Variants in ASCC1 observed in about 807,000 individuals in gnomAD.
ASCC1 encodes ASC-1 complex subunit P50.
Under a neutral mutation model 46.6 loss-of-function variants are expected in ASCC1, and 35 were observed. That is an observed-to-expected ratio of 0.75 (90% CI 0.57 to 0.99). The LOEUF is 0.99. Among genes scored for constraint, ASCC1 ranks in the 50% least tolerant of loss-of-function variants. The pLI, the probability that ASCC1 is intolerant of heterozygous loss-of-function variation, is 0.00. For missense variants in ASCC1, 376 were observed against 428.7 expected (o/e 0.88, Z 1.09); for synonymous variants, 143 against 146.6 (o/e 0.98, Z 0.18).
rs1855483031 is a variant in ASCC1, at chr10:72,196,721, A to G, written c.489+90T>C. 3.0e-6 allele frequency: 4 copies of G among 1,329,518 alleles called. No individual in the cohort carries two copies. In the South Asian group the frequency reaches 4.0e-5, roughly 13 times the overall value. 82.4% of individuals were successfully genotyped at this position (1,329,518 alleles called of 1,614,324 possible). ...TCTTTTTTGGTGGGGGAAGAAGTTT[A>G]TAACTCCCTACTGTTTGATTTATGA... On this transcript the variant is annotated intron_variant, in intron 5 of 9. Transcript: ENST00000672957.
At chr10:72,162,585 T>C (rs1237609821) in intron 5 of ASCC1, among the ~76,000 whole-genome samples, 3 of 152,104 alleles carry the variant, frequency 2.0e-5, no homozygotes, top group Non-Finnish European at 4.4e-5. Context: ...TCCTCCTGCC[T>C]CAGCCTCCTG....
intron 5 of ASCC1, among the ~76,000 whole-genome samples, chr10:72,170,115 C>T (rs1185096873): frequency 1.3e-5 from 2 of 149,758 alleles, no homozygotes; most frequent in Non-Finnish European, 3.0e-5. Context: ...AGTGAAACTC[C>T]GTCTCAAAGA....
At chr10:72,162,547 G>A (rs1020896469) in intron 5 of ASCC1, among the ~76,000 whole-genome samples, 4 of 152,094 alleles carry the variant, frequency 2.6e-5, no homozygotes, top group African/African-American at 7.2e-5. Context: ...ACAGCTCACT[G>A]TAACCTCAAA....
chr10:72,111,743 GC>G (rs1170116587), intron 9 of ASCC1, among the ~76,000 whole-genome samples: 2 of 152,046 alleles, frequency 1.3e-5, no homozygotes, highest in Non-Finnish European at 2.9e-5. Flanking sequence ...CCGGGTTCAT[GC>G]CATTCTCCTG....
chr10:72,192,164 G>A (rs1046264176), intron 5 of ASCC1, among the ~76,000 whole-genome samples: 2 of 151,776 alleles, frequency 1.3e-5, no homozygotes, highest in Non-Finnish European at 2.9e-5. Flanking sequence ...CAATGATAAG[G>A]AAACAATCTG....
At chr10:72,188,157 C>T (rs908485767) in intron 5 of ASCC1, among the ~76,000 whole-genome samples, 1 of 136,580 alleles carries the variant, frequency 7.3e-6, no homozygotes, top group Non-Finnish European at 1.5e-5. Flanking sequence ...CAGTCTCGCT[C>T]TGTCAGGCTG....
At chr10:72,198,753 A>G (rs1164580718) in intron 4 of ASCC1, 1 of 452,310 alleles carries the variant, frequency 2.2e-6, no homozygotes, top group Non-Finnish European at 4.4e-6. Context: ...TCACAATTCA[A>G]TTTACTCTAA....
chr10:72,149,919 C>T (rs1589356799), intron 7 of ASCC1, among the ~76,000 whole-genome samples: 2 of 152,132 alleles, frequency 1.3e-5, no homozygotes, highest in African/African-American at 4.8e-5. Context: ...GGCACGGTGG[C>T]TTACACCTGT....
rs572827789 is a variant in ASCC1, at chr10:72,207,951, A to G, written c.212+2781T>C. ...CTCAACCTACCAAGTAGCTGAGACT[A>G]CAAGCACTCACTACCACGCCTGGCT... is the stretch of plus-strand genomic sequence containing the variant. On this transcript the variant is annotated intron_variant, in intron 3 of 9. Transcript: ENST00000672957. Among the ~76,000 whole-genome samples, 237 of 152,096 alleles carry G rather than the reference A, an allele frequency of 1.6e-3. 5 individuals are homozygous for G. The South Asian group carries it at 0.046, about 29-fold the overall frequency.
intron 3 of ASCC1, among the ~76,000 whole-genome samples, chr10:72,210,435 C>T (rs113902647): frequency 0.078 from 11,937 of 152,188 alleles, 1,244 homozygotes; most frequent in African/African-American, 0.23. Flanking sequence ...GCTGGGATTA[C>T]AGGCGTGAGC....
At chr10:72,143,156 G>A (rs1303933477) in intron 7 of ASCC1, among the ~76,000 whole-genome samples, 6 of 134,916 alleles carry the variant, frequency 4.4e-5, no homozygotes, top group East Asian at 2.1e-4. Context: ...GCGAGACTCC[G>A]TCTCAGGAAA....
At chr10:72,155,446 G>A (rs896798042) in intron 6 of ASCC1, among the ~76,000 whole-genome samples, 1 of 152,096 alleles carries the variant, frequency 6.6e-6, no homozygotes, top group Non-Finnish European at 1.5e-5. Context: ...ACCCTCATGG[G>A]GTGATGGCAA....
chr10:72,213,841 C>T (rs1858574376), intron 1 of ASCC1, among the ~76,000 whole-genome samples: 1 of 150,140 alleles, frequency 6.7e-6, no homozygotes. Context: ...AGTTCAAGAC[C>T]AGCCTGACCA....
intron 5 of ASCC1, chr10:72,190,469 A>G: frequency 6.3e-7 from 1 of 1,598,884 alleles, no homozygotes; most frequent in Non-Finnish European, 8.5e-7. Flanking sequence ...TGCAGGCCGA[A>G]AGAGCCGTGG....
Position 72,185,905 on chromosome 10 carries a change from T to C in ASCC1, c.489+10906A>G, listed in dbSNP as rs1589519044. On this transcript the variant is annotated intron_variant, in intron 5 of 9. Coordinates refer to ENST00000672957, the MANE Select transcript of ASCC1 (RefSeq NM_001198800.3). ...TGCATTCCCTTAACCCATGTTATTC[T>C]ACCTCTTAGAATTTATCCCAAAGAA... Among the ~76,000 whole-genome samples, 3 of 152,312 alleles carry C rather than the reference T, an allele frequency of 2.0e-5. No homozygotes were observed. In the East Asian group the frequency reaches 5.8e-4, roughly 29 times the overall value.
At chr10:72,206,605 A>G (rs1857255751) in intron 3 of ASCC1, among the ~76,000 whole-genome samples, 1 of 152,182 alleles carries the variant, frequency 6.6e-6, no homozygotes, top group African/African-American at 2.4e-5. Context: ...CCTGACAGTA[A>G]TAACTTAAGC....
At chr10:72,098,037 C>A (rs920148077) in intron 9 of ASCC1, among the ~76,000 whole-genome samples, 1 of 152,222 alleles carries the variant, frequency 6.6e-6, no homozygotes, top group Non-Finnish European at 1.5e-5. Flanking sequence ...AGAACAAGTA[C>A]AAGTGATTAC....
At chr10:72,172,588 C>T (rs1395777135) in intron 5 of ASCC1, among the ~76,000 whole-genome samples, 3 of 147,054 alleles carry the variant, frequency 2.0e-5, no homozygotes, top group Non-Finnish European at 3.0e-5. Flanking sequence ...TCAAGTGATC[C>T]GCTGGCCTCA....
chr10:72,102,634 A>G (rs1337204866), intron 9 of ASCC1, among the ~76,000 whole-genome samples: 1 of 152,096 alleles, frequency 6.6e-6, no homozygotes, highest in Non-Finnish European at 1.5e-5. Flanking sequence ...CACAATTATC[A>G]TAACAGGAGA....
Sources: allele counts gnomAD v4.1 joint callset (sites outside exome capture counted in the v4.1 genomes callset), GRCh38; gene constraint gnomAD v4.1.1; transcripts MANE v1.5; gene names NCBI Gene and HGNC (gene_info 2026-07-23, HGNC 2026-07-21).